SAMD12: variants seen among roughly 807,000 people sequenced by gnomAD.
SAMD12 encodes the protein sterile alpha motif domain-containing protein 12.
A neutral mutation model predicts 15.0 loss-of-function variants in SAMD12; 9 were observed. That is an observed-to-expected ratio of 0.60 (90% CI 0.36 to 1.05). The LOEUF (loss-of-function observed/expected upper bound fraction) is 1.05, where lower values mean the gene tolerates loss of function less well. SAMD12 is among the 50% of genes least tolerant of loss of function. SAMD12 has a pLI of 0.01. For missense variants in SAMD12, 230 were observed against 234.2 expected (o/e 0.98, Z 0.12); for synonymous variants, 86 against 90.1 (o/e 0.96, Z 0.25).
At chr8:118,454,746 A>G (rs1823195162) in intron 2 of SAMD12, among the ~76,000 whole-genome samples, 1 of 152,150 alleles carries the variant, frequency 6.6e-6, no homozygotes, top group Non-Finnish European at 1.5e-5. Context: ...GACTCTTTCC[A>G]TTCTGCAAAA....
At chr8:118,305,868 C>A (rs1295188107) in intron 4 of SAMD12, among the ~76,000 whole-genome samples, 1 of 152,098 alleles carries the variant, frequency 6.6e-6, no homozygotes, top group Non-Finnish European at 1.5e-5. Context: ...CAATGTGAAG[C>A]ATTGGAAGGA....
chr8:118,426,751 T>C (rs944881749), intron 3 of SAMD12, among the ~76,000 whole-genome samples: 2 of 152,144 alleles, frequency 1.3e-5, no homozygotes, highest in South Asian at 2.1e-4. Flanking sequence ...GTGATGAAAA[T>C]GGGAGAAATA....
At chr8:118,570,694 T>C (rs1331985649) in intron 2 of SAMD12, among the ~76,000 whole-genome samples, 1 of 152,142 alleles carries the variant, frequency 6.6e-6, no homozygotes. Context: ...AATAGAATGA[T>C]TTATATTCCT....
chr8:118,368,753 T>C (rs1818931104), intron 4 of SAMD12, among the ~76,000 whole-genome samples: 1 of 152,180 alleles, frequency 6.6e-6, no homozygotes, highest in South Asian at 2.1e-4. Context: ...CAATTAAATT[T>C]ATATTAGCAA....
chr8:118,453,239 G>A (rs1043677208), intron 2 of SAMD12, among the ~76,000 whole-genome samples: 2 of 152,096 alleles, frequency 1.3e-5, no homozygotes, highest in African/African-American at 4.8e-5. Flanking sequence ...TGCCAAGTAT[G>A]ATGGTAAATT....
intron 1 of SAMD12, among the ~76,000 whole-genome samples, chr8:118,587,517 TGAC>T (rs1294353981): frequency 6.6e-6 from 1 of 152,228 alleles, no homozygotes; most frequent in Non-Finnish European, 1.5e-5. Context: ...GTGAGGTTGA[TGAC>T]AGATTCCTCC....
At chr8:118,542,893 A>G (rs1292961509) in intron 2 of SAMD12, among the ~76,000 whole-genome samples, 1 of 152,222 alleles carries the variant, frequency 6.6e-6, no homozygotes, top group Admixed American at 6.5e-5. Context: ...GGTTGTCCCT[A>G]GCCTACAGCT....
intron 1 of SAMD12, among the ~76,000 whole-genome samples, chr8:118,611,495 C>T (rs986966506): frequency 1.5e-4 from 23 of 152,164 alleles, no homozygotes; most frequent in Non-Finnish European, 8.8e-5. Context: ...TCCCTGTCCC[C>T]GTCCCCATTT....
the SAMD12 span, among the ~76,000 whole-genome samples, chr8:118,140,855 T>C: frequency 1.3e-5 from 2 of 152,164 alleles, no homozygotes. Flanking sequence ...TGGGAAACCA[T>C]TGCCTTGATT....
At chr8:118,551,518 T>A (rs1253428977) in intron 2 of SAMD12, among the ~76,000 whole-genome samples, 3 of 151,778 alleles carry the variant, frequency 2.0e-5, no homozygotes, top group Admixed American at 2.0e-4. Flanking sequence ...CTGGGACACA[T>A]TCAAAGCAGT....
intron 1 of SAMD12, among the ~76,000 whole-genome samples, chr8:118,593,150 T>C (rs1488258048): frequency 6.6e-6 from 1 of 152,124 alleles, no homozygotes; most frequent in Non-Finnish European, 1.5e-5. Context: ...GCATATAACA[T>C]ATATATATTT....
chr8:118,541,641 G>T (rs1825991130), intron 2 of SAMD12, among the ~76,000 whole-genome samples: 2 of 152,110 alleles, frequency 1.3e-5, no homozygotes, highest in Admixed American at 6.6e-5. Flanking sequence ...GGAACAGTTT[G>T]CTGTTCTAAG....
chr8:118,173,002 C>G, the SAMD12 span, among the ~76,000 whole-genome samples: 2 of 152,148 alleles, frequency 1.3e-5, no homozygotes, highest in African/African-American at 4.8e-5. Context: ...CGATATTTGT[C>G]CTTTGATGAC....
intron 1 of SAMD12, 27 bp downstream of exon 1, chr8:118,621,777 C>A (rs368196945): frequency 2.5e-6 from 4 of 1,613,384 alleles, no homozygotes; most frequent in Non-Finnish European, 3.4e-6. Flanking sequence ...TAAGAGGGAG[C>A]TTAAAAATGC....
At chr8:118,557,450 C>A (rs1201425027) in intron 2 of SAMD12, among the ~76,000 whole-genome samples, 1 of 152,072 alleles carries the variant, frequency 6.6e-6, no homozygotes, top group Non-Finnish European at 1.5e-5. Context: ...TAGGAAGGTT[C>A]ATTTTGATTG....
chr8:118,357,997 T>G (rs1818314987), intron 4 of SAMD12, among the ~76,000 whole-genome samples: 1 of 152,040 alleles, frequency 6.6e-6, no homozygotes, highest in Admixed American at 6.5e-5. Flanking sequence ...TAAAAAAAAT[T>G]AGCCAGGTGT....
intron 4 of SAMD12, among the ~76,000 whole-genome samples, chr8:118,370,855 T>C (rs892349130): frequency 6.6e-5 from 10 of 152,228 alleles, no homozygotes; most frequent in African/African-American, 2.4e-4. Flanking sequence ...ACCTAAGTGA[T>C]GGGTTGATAG....
chr8:118,316,369 C>CAAAAAAAAAAAAAAAAAAAAA (rs71307444), intron 4 of SAMD12, among the ~76,000 whole-genome samples: 1 of 114,150 alleles, frequency 8.8e-6, no homozygotes. Context: ...CCCATGTCTA[C>CAAAAAAAAAAAAAAAAAAAAA]AAAAAAAAAA....
chr8:118,205,936 T>C (rs1819850920), intron 4 of SAMD12, among the ~76,000 whole-genome samples: 1 of 152,200 alleles, frequency 6.6e-6, no homozygotes. Context: ...AAAAGGACAT[T>C]GTATTTGCTC....
Sources: gnomAD v4.1 joint callset for allele counts (sites outside exome capture counted in the v4.1 genomes callset) on GRCh38, gnomAD v4.1.1 for gene constraint, MANE v1.5 for transcripts, NCBI Gene and HGNC (gene_info 2026-07-23, HGNC 2026-07-21) for gene names.